Variants in OPHN1 observed in about 807,000 individuals in gnomAD.
OPHN1 encodes the protein oligophrenin-1.
Under a neutral mutation model 60.7 loss-of-function variants are expected in OPHN1, and 11 were observed. The ratio of observed to expected loss-of-function variants is 0.18; its 90% CI spans 0.11 to 0.30. The LOEUF (loss-of-function observed/expected upper bound fraction) is 0.30. OPHN1 is among the 10% of genes least tolerant of loss of function. OPHN1 has a pLI of 1.00. For missense variants in OPHN1, 449 were observed against 611.0 expected, an observed-to-expected ratio of 0.73 and a Z score of 2.80; for synonymous variants, 226 against 222.6, an observed-to-expected ratio of 1.02 and a Z score of -0.14.
At chrX:68,394,117 G>C (rs1324077610) in intron 2 of OPHN1, among the ~76,000 whole-genome samples, 1 of 108,686 alleles carries the variant, frequency 9.2e-6, no homozygotes, top group African/African-American at 3.3e-5. Flanking sequence ...GGATGGTCTC[G>C]ATCTCCTGAC....
chrX:68,310,438 A>G (rs951621618), intron 2 of OPHN1, among the ~76,000 whole-genome samples: 3 of 95,445 alleles, frequency 3.1e-5, no homozygotes, highest in African/African-American at 1.8e-4. Context: ...AAGAAGAGGA[A>G]AAAAAAAATG....
At chrX:68,279,249 A>T (rs1325267553) in intron 4 of OPHN1, among the ~76,000 whole-genome samples, 1 of 103,123 alleles carries the variant, frequency 9.7e-6, no homozygotes, top group African/African-American at 3.6e-5. Flanking sequence ...AGTAGCTGGG[A>T]CTAGAGATGC....
At chrX:68,431,767 TG>T (rs1349857499) in intron 2 of OPHN1, among the ~76,000 whole-genome samples, 1 of 111,238 alleles carries the variant, frequency 9.0e-6, no homozygotes, top group Non-Finnish European at 1.9e-5. Context: ...TCCCTGCTCT[TG>T]GTTGACTGCA....
chrX:68,291,024 CT>C (rs1236276139), intron 3 of OPHN1, among the ~76,000 whole-genome samples: 3 of 111,535 alleles, frequency 2.7e-5, no homozygotes, highest in Admixed American at 1.9e-4. Context: ...TCAATTATTA[CT>C]TTTTTTAATG....
chrX:68,405,773 T>C (rs1056576085), intron 2 of OPHN1, among the ~76,000 whole-genome samples: 12 of 112,020 alleles, frequency 1.1e-4, no homozygotes. Context: ...CTCTATTTTA[T>C]GCACTTCTTT....
Position 68,300,755 on chromosome X carries a change from T to C in OPHN1, c.155-1659A>G, listed in dbSNP as rs1203904815. Among the ~76,000 whole-genome samples, 3 of 112,973 alleles carry C rather than the reference T, an allele frequency of 2.7e-5. No individual in the cohort carries two copies. The East Asian group carries it at 8.3e-4, about 31-fold the overall frequency. On this transcript the variant is annotated intron_variant, in intron 2 of 24. Coordinates refer to ENST00000355520, the MANE Select transcript of OPHN1 (RefSeq NM_002547.3). ...CAGGGAAATTAAATAAAAACATTTA[T>C]TGTGTTGCTCTTCCACACCTACTAG...
At chrX:68,181,214 T>G in intron 15 of OPHN1, among the ~76,000 whole-genome samples, 1 of 111,056 alleles carries the variant, frequency 9.0e-6, no homozygotes. Flanking sequence ...TGGTGGCCTG[T>G]TCGAATCATT....
intron 2 of OPHN1, among the ~76,000 whole-genome samples, chrX:68,430,503 G>C (rs1250065852): frequency 2.7e-5 from 3 of 110,812 alleles, no homozygotes; most frequent in Non-Finnish European, 5.7e-5. Flanking sequence ...CTTAACTGTT[G>C]ACTCTTATCA....
chrX:68,113,970 TAAAAAAAAAAAG>T (rs1288151880), intron 16 of OPHN1, among the ~76,000 whole-genome samples: 7 of 38,034 alleles, frequency 1.8e-4, no homozygotes, highest in Non-Finnish European at 3.4e-4. Flanking sequence ...ATAATAATAA[TAAAAAAAAAAAG>T]AAAAAAAAAA....
chrX:68,175,340 A>AT (rs1279782297), intron 15 of OPHN1, among the ~76,000 whole-genome samples: 2 of 111,428 alleles, frequency 1.8e-5, no homozygotes, highest in African/African-American at 6.5e-5. Context: ...TGAGTACATA[A>AT]TTGGTTATAT....
intron 2 of OPHN1, among the ~76,000 whole-genome samples, chrX:68,308,078 G>A (rs1272470751): frequency 8.9e-6 from 1 of 112,346 alleles, no homozygotes; most frequent in Non-Finnish European, 1.9e-5. Context: ...TAAGACAGGA[G>A]TTTTAGTCTT....
chrX:68,340,075 A>G (rs2078343782), intron 2 of OPHN1, among the ~76,000 whole-genome samples: 1 of 112,158 alleles, frequency 8.9e-6, no homozygotes. Flanking sequence ...ACCTAAATAA[A>G]TGGAAAGACA....
intron 4 of OPHN1, among the ~76,000 whole-genome samples, chrX:68,277,971 A>G (rs1195639530): frequency 8.9e-6 from 1 of 111,867 alleles, no homozygotes; most frequent in Non-Finnish European, 1.9e-5. Flanking sequence ...TCATGCTCCA[A>G]AGGGGATTGT....
intron 5 of OPHN1, among the ~76,000 whole-genome samples, chrX:68,271,167 C>T (rs2077966696): frequency 1.8e-5 from 2 of 110,719 alleles, no homozygotes; most frequent in African/African-American, 6.6e-5. Context: ...CTATATGGTA[C>T]TCTAAGTTTA....
intron 5 of OPHN1, among the ~76,000 whole-genome samples, chrX:68,261,003 A>G (rs921666785): frequency 1.8e-5 from 2 of 111,728 alleles, no homozygotes; most frequent in Non-Finnish European, 3.8e-5. Flanking sequence ...TTCTGTGATA[A>G]CTGTACATGG....
At chrX:68,169,311 C>G (rs193050434) in intron 15 of OPHN1, among the ~76,000 whole-genome samples, 5,657 of 111,303 alleles carry the variant, frequency 0.051, 353 homozygotes, top group African/African-American at 0.18. Context: ...ACATTCCATG[C>G]TCATGGGTAG....
intron 23 of OPHN1, among the ~76,000 whole-genome samples, chrX:68,051,758 TCACATG>T (rs1348289609): frequency 8.9e-6 from 1 of 111,760 alleles, no homozygotes; most frequent in East Asian, 2.8e-4. Context: ...TGGTGTGTGT[TCACATG>T]CACATGCACA....
At chrX:68,184,836 T>TCCAC (rs2077455331) in intron 15 of OPHN1, among the ~76,000 whole-genome samples, 1 of 111,685 alleles carries the variant, frequency 9.0e-6, no homozygotes, top group Non-Finnish European at 1.9e-5. Flanking sequence ...CCTCAAGTGA[T>TCCAC]CTGCCCGTCT....
chrX:68,068,237 C>T lies in OPHN1; in HGVS notation c.1835-4060G>A, dbSNP rs753714983. 1.2e-4 allele frequency among the ~76,000 whole-genome samples: 13 copies of T among 109,683 alleles called. No homozygotes were observed. In the East Asian group the frequency reaches 1.4e-3, roughly 12 times the overall value. On this transcript the variant is annotated intron_variant, in intron 20 of 24. Coordinates refer to ENST00000355520, the MANE Select transcript of OPHN1 (RefSeq NM_002547.3). ...CTGTAATCCCAGCACTTTGGGAGGC[C>T]GAGGTGGGCGAATCATGAGGTCAGG... is the stretch of plus-strand genomic sequence containing the variant.
Sources: gnomAD v4.1 joint callset for allele counts (sites outside exome capture counted in the v4.1 genomes callset) on GRCh38, gnomAD v4.1.1 for gene constraint, MANE v1.5 for transcripts, NCBI Gene and HGNC (gene_info 2026-07-23, HGNC 2026-07-21) for gene names.